TOPBP1: variants seen among roughly 807,000 people sequenced by gnomAD.
TOPBP1 encodes the protein DNA topoisomerase II binding protein 1, also known as DNA topoisomerase 2-binding protein 1.
A neutral mutation model predicts 167.7 loss-of-function variants in TOPBP1; 28 were observed. The ratio of observed to expected loss-of-function variants is 0.17; its 90% confidence interval spans 0.12 to 0.23. The LOEUF is 0.23. Among genes scored for constraint, TOPBP1 ranks in the 10% least tolerant of loss-of-function variants. TOPBP1 has a pLI of 1.00. For synonymous variants in TOPBP1, 598 were observed against 611.4 expected (o/e 0.98, Z 0.32); for missense variants, 1,554 against 1,809.6 (o/e 0.86, Z 2.56).
chr3:133,620,036 G>C, intron 20 of TOPBP1, 119 bp downstream of exon 20: 1 of 1,074,714 alleles, frequency 9.3e-7, no homozygotes, highest in East Asian at 2.6e-5. Context: ...CTGCATATTG[G>C]GGAAAAAAAG....
At chr3:133,660,022 G>A (rs779547666) in intron 2 of TOPBP1, among the ~76,000 whole-genome samples, 4 of 151,784 alleles carry the variant, frequency 2.6e-5, no homozygotes, top group Non-Finnish European at 4.4e-5. Context: ...ATTCTCTAAC[G>A]CATTCCTTAG....
At chr3:133,614,225 C>T (rs905608693) in intron 23 of TOPBP1, among the ~76,000 whole-genome samples, 4 of 152,180 alleles carry the variant, frequency 2.6e-5, no homozygotes, top group Non-Finnish European at 5.9e-5. Context: ...AGATTACTAA[C>T]TCATTTAATT....
chr3:133,622,316 G>A (rs1009943570), intron 19 of TOPBP1, among the ~76,000 whole-genome samples: 32 of 148,258 alleles, frequency 2.2e-4, no homozygotes, highest in African/African-American at 6.5e-4. Context: ...TCAGCCTCCC[G>A]AGTAGCTGGA....
intron 3 of TOPBP1, among the ~76,000 whole-genome samples, chr3:133,658,765 C>T (rs1382050332): frequency 6.6e-6 from 1 of 152,036 alleles, no homozygotes; most frequent in Non-Finnish European, 1.5e-5. Context: ...TGAGCTTGTG[C>T]CACTGCACTA....
intron 8 of TOPBP1, among the ~76,000 whole-genome samples, chr3:133,650,380 G>GT (rs1936249111): frequency 1.1e-5 from 1 of 87,924 alleles, no homozygotes; most frequent in Non-Finnish European, 2.1e-5. Context: ...GCGGGGGGAG[G>GT]GGTTGTTTTT....
At chr3:133,656,900 T>G in intron 4 of TOPBP1, 43 bp from the exon 5 acceptor site, 4 of 1,442,370 alleles carry the variant, frequency 2.8e-6, no homozygotes, top group Non-Finnish European at 2.7e-6. Context: ...AAGCAAACAA[T>G]ATTGCTTCCA....
chr3:133,619,111 C>CAAAAAAAAAAAAAAAAAAAAAAAAAA (rs71136485), intron 20 of TOPBP1, among the ~76,000 whole-genome samples: 1 of 103,516 alleles, frequency 9.7e-6, no homozygotes, highest in African/African-American at 3.6e-5. Context: ...TGTGGAGAAG[C>CAAAAAAAAAAAAAAAAAAAAAAAAAA]AAAAAAAAAA....
rs982107817 is a variant in TOPBP1, at chr3:133,604,348, G to T, written c.4426-2955C>A. 4.6e-4 allele frequency among the ~76,000 whole-genome samples: 70 copies of T among 151,646 alleles called. 1 individual carries two copies. Among genetic ancestry groups the T allele is most frequent in the Middle Eastern group, 3.4e-3 (1 of 290 alleles). On this transcript the variant is annotated intron_variant, in intron 27 of 27. Coordinates refer to ENST00000260810, the MANE Select transcript of TOPBP1 (RefSeq NM_007027.4). ...GACAGGGTTTCGCTATGTTGGCCAG[G>T]CTGGTCTCGAACCCCTGACCTCAAG... is the stretch of plus-strand genomic sequence containing the variant.
chr3:133,633,307 A>C (rs1398934397), intron 14 of TOPBP1, among the ~76,000 whole-genome samples: 1 of 152,058 alleles, frequency 6.6e-6, no homozygotes. Flanking sequence ...TGCTCAATCC[A>C]CTGGCCAATT....
intron 11 of TOPBP1, 94 bp from the exon 12 acceptor site, chr3:133,643,466 TAAG>T (rs879280168): frequency 9.0e-6 from 10 of 1,115,456 alleles, no homozygotes; most frequent in Non-Finnish European, 9.8e-6. Flanking sequence ...TTAGTTTTGA[TAAG>T]AAGAAATTTT....
In TOPBP1 at chr3:133,638,084, T is replaced by G; in HGVS notation, c.2312A>C (p.Gln771Pro). ...TGTAACGACGGTTTTTCTGTGAGTT[T>G]GCAGGCGTGTGCCAGGATGCTCTGC... ...DTAEHPGTRLQTHRKTVVTPL... is the reference protein window; with the variant it reads ...DTAEHPGTRLPTHRKTVVTPL... Residue 771 changes from glutamine to proline, a missense_variant, in exon 14 of 28, where the codon CAA becomes CCA. Transcript: ENST00000260810. The G allele has an allele frequency of 6.2e-7, 1 of 1,614,030 alleles. No homozygotes were observed. The highest frequency in any genetic ancestry group is 1.1e-5 in the South Asian group (1 of 91,090).
At chr3:133,634,908 A>C (rs1445278105) in intron 14 of TOPBP1, among the ~76,000 whole-genome samples, 3 of 152,224 alleles carry the variant, frequency 2.0e-5, no homozygotes, top group East Asian at 1.9e-4. Flanking sequence ...GTTAAGACCA[A>C]AACGAGGGTG....
At chr3:133,628,172 T>C (rs1935328753) in intron 16 of TOPBP1, 190 bp downstream of exon 16, 7 of 588,064 alleles carry the variant, frequency 1.2e-5, no homozygotes, top group Non-Finnish European at 2.1e-5. Flanking sequence ...ATTATATACA[T>C]ATAAGAGTGA....
At chr3:133,607,026 G>A (rs1310626247) in intron 27 of TOPBP1, among the ~76,000 whole-genome samples, 1 of 152,084 alleles carries the variant, frequency 6.6e-6, no homozygotes, top group African/African-American at 2.4e-5. Flanking sequence ...CAAACACTCT[G>A]TACAAATTAC....
chr3:133,613,822 G>A (rs1470634716), intron 23 of TOPBP1, among the ~76,000 whole-genome samples: 1 of 132,954 alleles, frequency 7.5e-6, no homozygotes, highest in Non-Finnish European at 1.5e-5. Context: ...GTCTCACTCT[G>A]TCACCCAGGC....
intron 27 of TOPBP1, among the ~76,000 whole-genome samples, chr3:133,604,199 A>C (rs990907884): frequency 3.3e-5 from 5 of 151,652 alleles, no homozygotes; most frequent in African/African-American, 1.2e-4. Context: ...CAGTGGCGTG[A>C]TCTCGTCTCA....
intron 14 of TOPBP1, among the ~76,000 whole-genome samples, chr3:133,632,084 C>A (rs530078997): frequency 6.6e-6 from 1 of 152,086 alleles, no homozygotes; most frequent in Non-Finnish European, 1.5e-5. Context: ...TCCTGTACAG[C>A]CTGTGGAACT....
intron 23 of TOPBP1, among the ~76,000 whole-genome samples, chr3:133,615,844 C>A (rs1302183343): frequency 6.6e-6 from 1 of 152,142 alleles, no homozygotes; most frequent in Non-Finnish European, 1.5e-5. Flanking sequence ...TAGGCTCAAG[C>A]AATCCTCCTA....
At chr3:133,650,882 G>A (rs1936269590) in intron 8 of TOPBP1, among the ~76,000 whole-genome samples, 1 of 152,140 alleles carries the variant, frequency 6.6e-6, no homozygotes, top group African/African-American at 2.4e-5. Flanking sequence ...GCCAAGGTGG[G>A]CAGACTGCTT....
Sources: gnomAD v4.1 joint callset for allele counts (sites outside exome capture counted in the v4.1 genomes callset) on GRCh38, gnomAD v4.1.1 for gene constraint, MANE v1.5 for transcripts, NCBI Gene and HGNC (gene_info 2026-07-23, HGNC 2026-07-21) for gene names.